MECOM: variants seen among roughly 807,000 people sequenced by gnomAD.
MECOM encodes the protein MDS1 and EVI1 complex locus.
Under a neutral mutation model 116.3 loss-of-function variants are expected in MECOM, and 13 were observed. The ratio of observed to expected loss-of-function variants is 0.11; its 90% confidence interval spans 0.07 to 0.18. The LOEUF (loss-of-function observed/expected upper bound fraction) is 0.18, where lower values mean the gene tolerates loss of function less well. MECOM is among the 10% of genes least tolerant of loss of function. MECOM has a pLI of 1.00. For missense variants in MECOM, 1,299 were observed against 1,509.0 expected (o/e 0.86, Z 2.31); for synonymous variants, 528 against 535.2 (o/e 0.99, Z 0.19).
At chr3:169,295,369 A>T (rs754235797) in intron 2 of MECOM, among the ~76,000 whole-genome samples, 100 of 152,224 alleles carry the variant, frequency 6.6e-4, no homozygotes, top group Non-Finnish European at 6.2e-4. Flanking sequence ...CTAAATTTTT[A>T]AAAGGGTTGA....
At chr3:169,383,890 T>C (rs1732877848) in intron 1 of MECOM, among the ~76,000 whole-genome samples, 2 of 152,236 alleles carry the variant, frequency 1.3e-5, no homozygotes, top group Non-Finnish European at 2.9e-5. Context: ...CAGTTCTTCC[T>C]GCCTGGCACT....
chr3:169,176,913 G>A (rs1236931126), intron 2 of MECOM, among the ~76,000 whole-genome samples: 2 of 152,100 alleles, frequency 1.3e-5, no homozygotes, highest in Non-Finnish European at 2.9e-5. Flanking sequence ...AAATCACAAT[G>A]AGATACCATC....
chr3:169,236,975 C>A (rs557312334), intron 2 of MECOM, among the ~76,000 whole-genome samples: 6 of 152,304 alleles, frequency 3.9e-5, no homozygotes, highest in African/African-American at 1.4e-4. Flanking sequence ...TACTTGACCT[C>A]TCAACTGTGA....
chr3:169,464,352 TC>T (rs1487542496), intron 1 of MECOM, among the ~76,000 whole-genome samples: 3 of 152,156 alleles, frequency 2.0e-5, no homozygotes, highest in Admixed American at 2.0e-4. Context: ...ATCTCTGTGA[TC>T]CTTTTCATAA....
chr3:169,606,404 G>A (rs1314272139), intron 1 of MECOM, among the ~76,000 whole-genome samples: 11 of 137,206 alleles, frequency 8.0e-5, no homozygotes, highest in South Asian at 2.4e-4. Flanking sequence ...GCAAGTCTTC[G>A]TCTCAAAAAA....
At chr3:169,384,154 T>A (rs1332101432) in intron 1 of MECOM, among the ~76,000 whole-genome samples, 3 of 152,220 alleles carry the variant, frequency 2.0e-5, no homozygotes, top group Non-Finnish European at 4.4e-5. Context: ...ATTGTCCAAG[T>A]GATCTGCATA....
At chr3:169,106,292 T>C (rs1391136876) in intron 10 of MECOM, among the ~76,000 whole-genome samples, 1 of 152,160 alleles carries the variant, frequency 6.6e-6, no homozygotes, top group Admixed American at 6.6e-5. Flanking sequence ...ATGAAATCAC[T>C]TAGTTTTTTC....
Position 169,314,907 on chromosome 3 carries a change from T to C in MECOM, c.375+66280A>G, listed in dbSNP as rs183481001. Among the ~76,000 whole-genome samples, 766 of 152,340 alleles carry C rather than the reference T, an allele frequency of 5.0e-3. 5 individuals are homozygous for C. The highest frequency in any genetic ancestry group is 0.029 in the South Asian group (139 of 4,828). ...TATCCCTTATTCTCCTGAATATTTATGAATATTTATGAAGATCAACAACAG... is the reference window on the plus strand; with the variant it reads ...TATCCCTTATTCTCCTGAATATTTACGAATATTTATGAAGATCAACAACAG... On this transcript the variant is annotated intron_variant, in intron 2 of 16. Transcript: ENST00000651503.
At chr3:169,342,720 G>T (rs930378606) in intron 2 of MECOM, among the ~76,000 whole-genome samples, 10 of 152,098 alleles carry the variant, frequency 6.6e-5, no homozygotes, top group African/African-American at 2.4e-4. Flanking sequence ...CTTTCTAATG[G>T]TAGTTATTTG....
intron 2 of MECOM, among the ~76,000 whole-genome samples, chr3:169,252,318 T>C (rs1577474302): frequency 6.6e-6 from 1 of 152,106 alleles, no homozygotes; most frequent in African/African-American, 2.4e-5. Flanking sequence ...GGGGAGAAGA[T>C]ATGCATTTAG....
chr3:169,340,275 T>G (rs1724278533), intron 2 of MECOM, among the ~76,000 whole-genome samples: 2 of 152,172 alleles, frequency 1.3e-5, no homozygotes, highest in South Asian at 4.1e-4. Context: ...CATAGGAGCC[T>G]TATCTACGGG....
At chr3:169,280,512 A>T (rs915108059) in intron 2 of MECOM, among the ~76,000 whole-genome samples, 1 of 152,174 alleles carries the variant, frequency 6.6e-6, no homozygotes, top group Non-Finnish European at 1.5e-5. Context: ...TAGAAATGAA[A>T]TTCCATGGAA....
At chr3:169,352,322 T>C (rs957765102) in intron 2 of MECOM, among the ~76,000 whole-genome samples, 1 of 151,870 alleles carries the variant, frequency 6.6e-6, no homozygotes, top group African/African-American at 2.4e-5. Context: ...AACAATTTTA[T>C]AAAAACAATC....
intron 1 of MECOM, among the ~76,000 whole-genome samples, chr3:169,581,059 A>G (rs539464103): frequency 6.6e-6 from 1 of 152,226 alleles, no homozygotes; most frequent in Non-Finnish European, 1.5e-5. Flanking sequence ...GAAGGAAAAT[A>G]AGAAACCATC....
In MECOM at chr3:169,377,765, G is replaced by A. The variant is rs552424459; in HGVS notation, c.375+3422C>T. On this transcript the variant is annotated intron_variant, in intron 2 of 16. Coordinates refer to ENST00000651503, the MANE Select transcript of MECOM (RefSeq NM_004991.4). ...CGACCATTGTGGAAGACGGTGTGGC[G>A]ATTCCTCAAGTATCTAGAACCAGAA... 5.5e-4 allele frequency among the ~76,000 whole-genome samples: 84 copies of A among 152,184 alleles called. 1 individual carries two copies. Among genetic ancestry groups the A allele is most frequent in the African/African-American group, 1.9e-3 (78 of 41,534 alleles).
intron 16 of MECOM, among the ~76,000 whole-genome samples, chr3:169,087,870 G>C (rs950629491): frequency 3.9e-5 from 6 of 152,144 alleles, no homozygotes. Flanking sequence ...ATGTTCTTAA[G>C]TTCATGGAGG....
intron 2 of MECOM, among the ~76,000 whole-genome samples, chr3:169,294,215 A>G (rs1057425296): frequency 6.6e-6 from 1 of 152,146 alleles, no homozygotes; most frequent in Non-Finnish European, 1.5e-5. Context: ...TCTGTAATGT[A>G]GAATAGTTAT....
intron 2 of MECOM, among the ~76,000 whole-genome samples, chr3:169,263,112 TATATATATATATATA>T (rs1757782355): frequency 6.9e-5 from 7 of 100,834 alleles, no homozygotes; most frequent in African/African-American, 1.5e-4. Flanking sequence ...TATATATATA[TATATATATATATATA>T]TGTTTTTTTT....
At chr3:169,213,168 G>A (rs1455986796) in intron 2 of MECOM, among the ~76,000 whole-genome samples, 2 of 151,776 alleles carry the variant, frequency 1.3e-5, no homozygotes, top group Non-Finnish European at 1.5e-5. Context: ...AGCTCCATGA[G>A]GGCAAAAATA....
Sources: allele counts gnomAD v4.1 joint callset (sites outside exome capture counted in the v4.1 genomes callset), GRCh38; gene constraint gnomAD v4.1.1; transcripts MANE v1.5; gene names NCBI Gene and HGNC (gene_info 2026-07-23, HGNC 2026-07-21).